LHFPL2: variants seen among roughly 807,000 people sequenced by gnomAD.
The protein encoded by LHFPL2 is LHFPL tetraspan subfamily member 2, also known as LHFPL tetraspan subfamily member 2 protein.
In LHFPL2, 7 loss-of-function variants were observed where a neutral mutation model predicts 17.5. The ratio of observed to expected loss-of-function variants is 0.40; its 90% CI spans 0.23 to 0.75. LHFPL2 has a LOEUF of 0.75. Ranked by LOEUF, LHFPL2 falls within the 30% of genes least tolerant of loss-of-function variation. The probability of loss-of-function intolerance (pLI) is 0.37; values close to 1 mark genes in which losing one functional copy is unlikely to be tolerated. For synonymous variants in LHFPL2, 134 were observed against 116.2 expected, an observed-to-expected ratio of 1.15 and a Z score of -0.99; for missense variants, 241 against 294.8, an observed-to-expected ratio of 0.82 and a Z score of 1.34.
chr5:78,567,525 C>A (rs900122093), intron 2 of LHFPL2, among the ~76,000 whole-genome samples: 5 of 152,100 alleles, frequency 3.3e-5, no homozygotes, highest in African/African-American at 1.2e-4. Flanking sequence ...ATCTTGGCAT[C>A]TGTTTTTTAG....
rs1756464784 is a variant in LHFPL2 at position 78,552,236 on chromosome 5, C to T, written c.-186+12577G>A. ...GCAAGCTCCGCCTCCCAGGTTCATG[C>T]CATTCTCCTGCCTCAGCCTCCTGAG... On this transcript the variant is annotated intron_variant, in intron 3 of 4. Coordinates refer to ENST00000380345, the MANE Select transcript of LHFPL2 (RefSeq NM_005779.3). Among the ~76,000 whole-genome samples, 3 of 151,888 alleles carry T rather than the reference C, an allele frequency of 2.0e-5. No homozygotes were observed. In the South Asian group the frequency reaches 6.2e-4, roughly 32 times the overall value.
intron 2 of LHFPL2, among the ~76,000 whole-genome samples, chr5:78,622,094 CGGTAAATGCCA>C (rs1561369482): frequency 6.6e-6 from 1 of 152,104 alleles, no homozygotes; most frequent in Non-Finnish European, 1.5e-5. Flanking sequence ...TAGGAAGCCC[CGGTAAATGCCA>C]GTTTCCAGCA....
chr5:78,494,916 A>G (rs554398901), intron 4 of LHFPL2, among the ~76,000 whole-genome samples: 15 of 149,610 alleles, frequency 1.0e-4, no homozygotes, highest in Non-Finnish European at 1.8e-4. Flanking sequence ...ACACACCAGG[A>G]AAAGCCAAGT....
chr5:78,584,995 G>GTT lies in LHFPL2; in HGVS notation c.-244-20126_-244-20125dup, dbSNP rs1163195083. Among the ~76,000 whole-genome samples the GTT allele has an allele frequency of 7.4e-3, 301 of 40,520 alleles. 76 individuals are homozygous for GTT. Among genetic ancestry groups the GTT allele is most frequent in the African/African-American group, 0.016 (198 of 12,312 alleles). The allele number at this position is 40,520 out of a possible 152,430, so 26.6% of individuals were successfully genotyped here. A position where few individuals can be genotyped will look rare whatever the true frequency, so the allele number is the denominator to read the frequency against. On this transcript the variant is annotated intron_variant, in intron 2 of 4. Transcript: ENST00000380345. The stretch of plus-strand genomic sequence containing the variant: ...GGGATATAATCTCCTGGTGCGCTGT[G>GTT]TTTTTTTTTTTTTTTTTTTTTTTTT...
At chr5:78,522,062 T>A (rs1294540809) in intron 3 of LHFPL2, among the ~76,000 whole-genome samples, 1 of 152,190 alleles carries the variant, frequency 6.6e-6, no homozygotes, top group Non-Finnish European at 1.5e-5. Flanking sequence ...GAACCCAGAA[T>A]ATTTGCTTTT....
chr5:78,618,896 C>A (rs941627059), intron 2 of LHFPL2, among the ~76,000 whole-genome samples: 2 of 152,154 alleles, frequency 1.3e-5, no homozygotes, highest in Non-Finnish European at 2.9e-5. Context: ...TTCAGAAAAT[C>A]GGTCAAAACC....
At chr5:78,609,468 A>AT (rs1744339957) in intron 2 of LHFPL2, among the ~76,000 whole-genome samples, 1 of 150,166 alleles carries the variant, frequency 6.7e-6, no homozygotes, top group Non-Finnish European at 1.5e-5. Context: ...AAAAAAAAAA[A>AT]AAAAAAAAGA....
At chr5:78,497,959 A>G (rs937565468) in intron 4 of LHFPL2, among the ~76,000 whole-genome samples, 1 of 152,232 alleles carries the variant, frequency 6.6e-6, no homozygotes, top group African/African-American at 2.4e-5. Context: ...GGCTGCAGCA[A>G]GGACAGCTGC....
intron 2 of LHFPL2, among the ~76,000 whole-genome samples, chr5:78,586,261 C>A (rs187703381): frequency 2.7e-4 from 41 of 152,296 alleles, no homozygotes; most frequent in African/African-American, 9.9e-4. Flanking sequence ...ATGCACCTCA[C>A]CAGGCTGCTG....
In LHFPL2 at chr5:78,633,423, AC is replaced by A. The variant is rs199586408; in HGVS notation, c.-349-1056del. Among the ~76,000 whole-genome samples the A allele has an allele frequency of 1.7e-4, 26 of 152,314 alleles. No individual in the cohort carries two copies. The East Asian group carries it at 4.4e-3, about 26-fold the overall frequency. Reference sequence around the variant, plus strand: ...TGGCACCGTGTAGTGCAGCAGCATCACCTGGGAACGTGTCAGAAACACAAAG... The same window carrying A: ...TGGCACCGTGTAGTGCAGCAGCATCACTGGGAACGTGTCAGAAACACAAAG... On this transcript the variant is annotated intron_variant, in intron 1 of 4. Coordinates refer to ENST00000380345, the MANE Select transcript of LHFPL2 (RefSeq NM_005779.3).
At chr5:78,583,411 C>T (rs369046850) in intron 2 of LHFPL2, among the ~76,000 whole-genome samples, 59,679 of 149,422 alleles carry the variant, frequency 0.4, 12,123 homozygotes, top group Non-Finnish European at 0.47. Flanking sequence ...GATTTTGCAG[C>T]GGCTGGTACT....
intron 2 of LHFPL2, among the ~76,000 whole-genome samples, chr5:78,602,956 T>C (rs1448664159): frequency 6.6e-6 from 1 of 152,176 alleles, no homozygotes; most frequent in East Asian, 1.9e-4. Flanking sequence ...AGTGGTGCGA[T>C]CTCAGCTCAC....
chr5:78,639,445 C>T (rs979297243), intron 1 of LHFPL2, among the ~76,000 whole-genome samples: 12 of 152,214 alleles, frequency 7.9e-5, no homozygotes, highest in African/African-American at 2.6e-4. Context: ...CAGTTTAAGC[C>T]GGCACACTAT....
intron 1 of LHFPL2, among the ~76,000 whole-genome samples, chr5:78,641,051 C>T (rs1745644568): frequency 6.6e-6 from 1 of 152,152 alleles, no homozygotes; most frequent in Non-Finnish European, 1.5e-5. Context: ...GCCTGGCCAC[C>T]CTCTCTAAGG....
At chr5:78,504,262 G>A (rs1447786511) in intron 4 of LHFPL2, among the ~76,000 whole-genome samples, 1 of 152,150 alleles carries the variant, frequency 6.6e-6, no homozygotes, top group Non-Finnish European at 1.5e-5. Context: ...CTCTTTGAGG[G>A]TGTTCTGAAG....
intron 2 of LHFPL2, among the ~76,000 whole-genome samples, chr5:78,599,257 C>T (rs1255531223): frequency 6.6e-6 from 1 of 152,160 alleles, no homozygotes; most frequent in Non-Finnish European, 1.5e-5. Flanking sequence ...GATATAAAAA[C>T]TTCCCAAGAT....
chr5:78,645,543 TACACACACACACACACACAC>T (rs56911011), intron 1 of LHFPL2, among the ~76,000 whole-genome samples: 37 of 137,330 alleles, frequency 2.7e-4, no homozygotes, highest in South Asian at 7.4e-4. Context: ...GACAGATGCA[TACACACACACACACACACAC>T]ACACACACAC....
intron 2 of LHFPL2, among the ~76,000 whole-genome samples, chr5:78,587,192 G>C (rs972147492): frequency 6.6e-6 from 1 of 152,278 alleles, no homozygotes; most frequent in East Asian, 1.9e-4. Context: ...GCAATATTAA[G>C]TTAAAATGTC....
chr5:78,562,550 A>G (rs1295564808), intron 3 of LHFPL2, among the ~76,000 whole-genome samples: 2 of 151,716 alleles, frequency 1.3e-5, no homozygotes, highest in Admixed American at 6.6e-5. Flanking sequence ...CAGAAGAACT[A>G]CTTGAACTGG....
Sources: gnomAD v4.1 joint callset for allele counts (sites outside exome capture counted in the v4.1 genomes callset) on GRCh38, gnomAD v4.1.1 for gene constraint, MANE v1.5 for transcripts, NCBI Gene and HGNC (gene_info 2026-07-23, HGNC 2026-07-21) for gene names.